Variants in PDS5A observed in about 807,000 individuals in gnomAD.
The protein encoded by PDS5A is sister chromatid cohesion protein PDS5 homolog A.
Under a neutral mutation model 167.1 loss-of-function variants are expected in PDS5A, and 42 were observed. The ratio of observed to expected loss-of-function variants is 0.25; its 90% CI spans 0.20 to 0.33. The LOEUF (loss-of-function observed/expected upper bound fraction) is 0.33, where lower values mean the gene tolerates loss of function less well. PDS5A is among the 10% of genes least tolerant of loss of function. The pLI is 1.00. For synonymous variants in PDS5A, 553 were observed against 554.6 expected, an observed-to-expected ratio of 1.00 and a Z score of 0.04; for missense variants, 1,033 against 1,605.9, an observed-to-expected ratio of 0.64 and a Z score of 6.10.
At chr4:39,963,451 C>A (rs1282914828) in intron 2 of PDS5A, among the ~76,000 whole-genome samples, 3 of 151,690 alleles carry the variant, frequency 2.0e-5, no homozygotes, top group Non-Finnish European at 4.4e-5. Context: ...AATAGCCAGA[C>A]TCCATCTCAA....
At chr4:39,881,829 T>C (rs1473581993) in intron 17 of PDS5A, among the ~76,000 whole-genome samples, 1 of 152,228 alleles carries the variant, frequency 6.6e-6, no homozygotes, top group Non-Finnish European at 1.5e-5. Context: ...AAATCTCACT[T>C]TGAACTGTAA....
At chr4:39,938,562 C>CATAT (rs142400161) in intron 2 of PDS5A, among the ~76,000 whole-genome samples, 28 of 151,544 alleles carry the variant, frequency 1.8e-4, no homozygotes, top group African/African-American at 5.6e-4. Flanking sequence ...TCAAAAAATA[C>CATAT]ATATATATAT....
intron 2 of PDS5A, among the ~76,000 whole-genome samples, chr4:39,958,332 C>G (rs986131183): frequency 6.6e-6 from 1 of 151,794 alleles, no homozygotes; most frequent in Non-Finnish European, 1.5e-5. Flanking sequence ...CATGGTGAAA[C>G]CCCGCCTCTA....
chr4:39,873,347 AG>A (rs1373152710), intron 20 of PDS5A, among the ~76,000 whole-genome samples: 1 of 152,228 alleles, frequency 6.6e-6, no homozygotes, highest in East Asian at 1.9e-4. Flanking sequence ...GAAAGAATGT[AG>A]AAAAAAGATA....
At chr4:39,952,672 C>A (rs1236441353) in intron 2 of PDS5A, among the ~76,000 whole-genome samples, 3 of 151,578 alleles carry the variant, frequency 2.0e-5, no homozygotes, top group African/African-American at 7.3e-5. Flanking sequence ...TGATACATTA[C>A]CTAAATCAGT....
intron 19 of PDS5A, among the ~76,000 whole-genome samples, chr4:39,876,103 T>C (rs1720438265): frequency 6.6e-6 from 1 of 152,186 alleles, no homozygotes; most frequent in African/African-American, 2.4e-5. Context: ...ACTGTGTCCT[T>C]TGGGGTAGAA....
chr4:39,881,038 CA>C (rs1195805324), intron 17 of PDS5A, among the ~76,000 whole-genome samples: 6 of 151,904 alleles, frequency 3.9e-5, no homozygotes, highest in Admixed American at 3.9e-4. Flanking sequence ...TTCCACCTAC[CA>C]GTGAGAACAT....
At chr4:39,887,812 A>C (rs1199886351) in intron 17 of PDS5A, among the ~76,000 whole-genome samples, 1 of 152,182 alleles carries the variant, frequency 6.6e-6, no homozygotes, top group East Asian at 1.9e-4. Context: ...AATATTTGCA[A>C]ATTATCCCTG....
At chr4:39,882,771 C>T (rs1394007769) in intron 17 of PDS5A, among the ~76,000 whole-genome samples, 1 of 152,076 alleles carries the variant, frequency 6.6e-6, no homozygotes, top group Non-Finnish European at 1.5e-5. Flanking sequence ...GGTTCACAGT[C>T]CTTCCTCTTA....
At chr4:39,857,586 C>A (rs1718642575) in intron 26 of PDS5A, among the ~76,000 whole-genome samples, 1 of 151,840 alleles carries the variant, frequency 6.6e-6, no homozygotes, top group African/African-American at 2.4e-5. Context: ...GTAACAGTAA[C>A]CATAAGAGAG....
chr4:39,940,974 G>T (rs1303887674), intron 2 of PDS5A, among the ~76,000 whole-genome samples: 1 of 152,216 alleles, frequency 6.6e-6, no homozygotes, highest in Non-Finnish European at 1.5e-5. Flanking sequence ...TCAGCCTAGA[G>T]ATATTAACTG....
At chr4:39,839,403 C>T (rs1716740895) in intron 31 of PDS5A, among the ~76,000 whole-genome samples, 1 of 151,874 alleles carries the variant, frequency 6.6e-6, no homozygotes, top group African/African-American at 2.4e-5. Context: ...AACCACATCT[C>T]TACTAAAAAT....
intron 17 of PDS5A, among the ~76,000 whole-genome samples, chr4:39,881,358 T>C (rs1720912466): frequency 6.6e-6 from 1 of 152,042 alleles, no homozygotes; most frequent in Non-Finnish European, 1.5e-5. Context: ...TTAGTTTTTT[T>C]TTTTTGAGGA....
At chr4:39,906,610 A>G (rs2109668704) in intron 11 of PDS5A, among the ~76,000 whole-genome samples, 1 of 145,670 alleles carries the variant, frequency 6.9e-6, no homozygotes, top group East Asian at 2.0e-4. Flanking sequence ...CTGTGTATTA[A>G]AAAAAAAAAA....
intron 2 of PDS5A, among the ~76,000 whole-genome samples, chr4:39,963,021 T>TA (rs879644713): frequency 1.7e-3 from 247 of 144,786 alleles, no homozygotes; most frequent in African/African-American, 3.9e-3. Flanking sequence ...TTACCACAAT[T>TA]AAAAAAAAAA....
intron 2 of PDS5A, among the ~76,000 whole-genome samples, chr4:39,970,437 A>G (rs894979518): frequency 1.6e-5 from 2 of 122,098 alleles, no homozygotes; most frequent in African/African-American, 5.7e-5. Flanking sequence ...TTTCTCTCAA[A>G]TGCTTAAAAA....
At chr4:39,827,971 A>G (rs1290403041) in intron 32 of PDS5A, among the ~76,000 whole-genome samples, 1 of 152,190 alleles carries the variant, frequency 6.6e-6, no homozygotes, top group African/African-American at 2.4e-5. Flanking sequence ...TGCCCTCTGA[A>G]TGATAGCCTT....
chr4:39,908,552 G>A lies in PDS5A; in HGVS notation c.1088-12C>T. The A allele has an allele frequency of 1.4e-6, 2 of 1,456,328 alleles. No homozygotes were observed. The highest frequency in any genetic ancestry group is 1.9e-5 in the Admixed American group (1 of 52,628). 90.2% of individuals were successfully genotyped at this position (1,456,328 alleles called of 1,614,324 possible). A position where few individuals can be genotyped will look rare whatever the true frequency, so the allele number is the denominator to read the frequency against. The stretch of plus-strand genomic sequence containing the variant: ...AACCTTTAAATATTCTGTAATAAGA[G>A]AAAAAAAACTTAGGCTAAATGTTAG... On this transcript the variant is annotated splice_polypyrimidine_tract_variant and intron_variant, in intron 10 of 32. Coordinates refer to ENST00000303538, the MANE Select transcript of PDS5A (RefSeq NM_001100399.2).
Position 39,877,236 on chromosome 4 carries a change from A to G in PDS5A, c.1993-83T>C. ...GAATTACTTCCCGCAAAAGAAAAAA[A>G]AAATTAAATTCTGGGGTAAATATGC... On this transcript the variant is annotated intron_variant, in intron 18 of 32. Coordinates refer to ENST00000303538, the MANE Select transcript of PDS5A (RefSeq NM_001100399.2). 3.5e-6 allele frequency: 3 copies of G among 861,024 alleles called. No individual in the cohort carries two copies. The Admixed American group carries it at 8.1e-5, about 23-fold the overall frequency. 53.3% of individuals were successfully genotyped at this position (861,024 alleles called of 1,614,324 possible).
Sources: allele counts gnomAD v4.1 joint callset (sites outside exome capture counted in the v4.1 genomes callset), GRCh38; gene constraint gnomAD v4.1.1; transcripts MANE v1.5; gene names NCBI Gene and HGNC (gene_info 2026-07-23, HGNC 2026-07-21).